ZNF609: variants seen among roughly 807,000 people sequenced by gnomAD.
ZNF609 encodes zinc finger protein 609.
A neutral mutation model predicts 109.5 loss-of-function variants in ZNF609; 11 were observed. The ratio of observed to expected loss-of-function variants is 0.10; its 90% CI spans 0.06 to 0.17. The LOEUF is 0.17. Among genes scored for constraint, ZNF609 ranks in the 10% least tolerant of loss-of-function variants. ZNF609 has a pLI of 1.00. For synonymous variants in ZNF609, 646 were observed against 662.0 expected, an observed-to-expected ratio of 0.98 and a Z score of 0.37; for missense variants, 1,559 against 1,772.4, an observed-to-expected ratio of 0.88 and a Z score of 2.16.
In ZNF609 at chr15:64,674,154, C is replaced by T. The variant is rs749800219; in HGVS notation, c.1300C>T (p.Pro434Ser). 1.9e-6 allele frequency: 3 copies of T among 1,614,204 alleles called. No individual in the cohort carries two copies. Among genetic ancestry groups the T allele is most frequent in the Non-Finnish European group, 2.5e-6 (3 of 1,180,042 alleles). ...CACTTCTGAGGATGTCAAGGCCAGC[C>T]CTTCCTCAGCTAATAAGCGGAAAAA... ...SSTSEDVKAS[P>S]SSANKRKNKP... The change falls in exon 5 of 10, where the codon CCT (proline) becomes TCT (serine). Residue 434 changes from proline to serine, a missense_variant. Coordinates refer to ENST00000326648, the MANE Select transcript of ZNF609 (RefSeq NM_015042.2).
intron 3 of ZNF609, among the ~76,000 whole-genome samples, chr15:64,653,301 A>G (rs1896443810): frequency 6.6e-6 from 1 of 152,120 alleles, no homozygotes; most frequent in Non-Finnish European, 1.5e-5. Context: ...GCTGGTGATA[A>G]TGTCTTCTGT....
chr15:64,551,077 G>A (rs950390240), intron 2 of ZNF609, among the ~76,000 whole-genome samples: 1 of 151,932 alleles, frequency 6.6e-6, no homozygotes, highest in Non-Finnish European at 1.5e-5. Context: ...TCTACATTTA[G>A]GATGGTCCCT....
chr15:64,606,575 A>T (rs2140953983), intron 2 of ZNF609, among the ~76,000 whole-genome samples: 1 of 151,594 alleles, frequency 6.6e-6, no homozygotes, highest in South Asian at 2.1e-4. Flanking sequence ...AAAAAAAAAA[A>T]AACAGAAAAA....
At chr15:64,609,134 T>C (rs1595737793) in intron 2 of ZNF609, among the ~76,000 whole-genome samples, 4 of 145,058 alleles carry the variant, frequency 2.8e-5, no homozygotes, top group Admixed American at 7.1e-5. Context: ...CTTTCTTTTT[T>C]TCTTTCTTTT....
intron 2 of ZNF609, among the ~76,000 whole-genome samples, chr15:64,579,286 C>A (rs911090051): frequency 6.6e-6 from 1 of 151,488 alleles, no homozygotes; most frequent in African/African-American, 2.4e-5. Context: ...ACATGCATGC[C>A]TATAGTCTCA....
chr15:64,514,425 ATTCCT>A (rs1018497820), intron 2 of ZNF609, among the ~76,000 whole-genome samples: 49 of 152,194 alleles, frequency 3.2e-4, no homozygotes, highest in African/African-American at 1.2e-3. Context: ...GTGTCCACAA[ATTCCT>A]TCCCTTTATT....
At chr15:64,670,242 C>G (rs902080639) in intron 3 of ZNF609, 104 bp from the exon 4 acceptor site, 1 of 902,408 alleles carries the variant, frequency 1.1e-6, no homozygotes, top group Non-Finnish European at 1.8e-6. Flanking sequence ...CCCAGAGTAC[C>G]TCCTAAACCC....
intron 1 of ZNF609, among the ~76,000 whole-genome samples, chr15:64,491,496 G>A (rs1438129784): frequency 1.3e-5 from 2 of 152,190 alleles, no homozygotes; most frequent in African/African-American, 2.4e-5. Flanking sequence ...TATATTGTCA[G>A]TGGGATCAAC....
At chr15:64,664,424 C>CA (rs1163312727) in intron 3 of ZNF609, among the ~76,000 whole-genome samples, 1 of 152,084 alleles carries the variant, frequency 6.6e-6, no homozygotes, top group Non-Finnish European at 1.5e-5. Context: ...AAACACGGAG[C>CA]ACTATTTATT....
intron 2 of ZNF609, among the ~76,000 whole-genome samples, chr15:64,590,629 TA>T (rs1020779600): frequency 4.6e-5 from 7 of 150,580 alleles, no homozygotes; most frequent in African/African-American, 1.7e-4. Flanking sequence ...ATATAGAAAA[TA>T]TATATTTATT....
chr15:64,598,655 AGATT>A (rs1271362452), intron 2 of ZNF609, among the ~76,000 whole-genome samples: 2 of 150,112 alleles, frequency 1.3e-5, no homozygotes, highest in Non-Finnish European at 3.0e-5. Context: ...ATGGACCTAT[AGATT>A]GTTTCTGGTT....
At chr15:64,659,840 T>C (rs1896548080) in intron 3 of ZNF609, among the ~76,000 whole-genome samples, 1 of 151,306 alleles carries the variant, frequency 6.6e-6, no homozygotes, top group African/African-American at 2.4e-5. Context: ...TCTTTCTTTT[T>C]TTTTTTTTTT....
intron 8 of ZNF609, 29 bp downstream of exon 8, chr15:64,680,891 T>G: frequency 6.2e-7 from 1 of 1,600,776 alleles, no homozygotes; most frequent in South Asian, 1.1e-5. Flanking sequence ...CCACCTGTTG[T>G]TTTGTCTTGT....
chr15:64,674,745 T>C lies in ZNF609; in HGVS notation c.1891T>C (p.Cys631Arg). The change falls in exon 5 of 10, where the codon TGT becomes CGT. Residue 631 changes from cysteine to arginine, a missense_variant. Physicochemically the swap from Cys to Arg is radical, Grantham distance 180. This residue lies in a region of ZNF609 where 1,204 missense variants were observed against 1,314.1 expected (regional missense o/e 0.92). Coordinates refer to ENST00000326648, the MANE Select transcript of ZNF609 (RefSeq NM_015042.2). ...TGCCTTTGATTCTTTAGAAAGGAAG[T>C]GTATGGAAAAAGAAAAATGTAAAAA... is the stretch of plus-strand genomic sequence containing the variant. ...NDAFDSLERK[C>R]MEKEKCKKPS... 6.2e-7 allele frequency: 1 copy of C among 1,613,870 alleles called. No individual in the cohort carries two copies. Among genetic ancestry groups the C allele is most frequent in the Non-Finnish European group, 8.5e-7 (1 of 1,179,978 alleles).
chr15:64,603,738 C>T (rs1055897833), intron 2 of ZNF609, among the ~76,000 whole-genome samples: 7 of 151,938 alleles, frequency 4.6e-5, no homozygotes, highest in East Asian at 3.9e-4. Context: ...TGGTGGCTCA[C>T]GCCTGTAATC....
chr15:64,577,047 T>A (rs9745171), intron 2 of ZNF609, among the ~76,000 whole-genome samples: 2 of 93,336 alleles, frequency 2.1e-5, no homozygotes, highest in Non-Finnish European at 4.7e-5. Context: ...TATATACACA[T>A]AAATATATAC....
At chr15:64,583,043 G>C (rs956591909) in intron 2 of ZNF609, among the ~76,000 whole-genome samples, 2 of 150,352 alleles carry the variant, frequency 1.3e-5, no homozygotes, top group African/African-American at 4.9e-5. Context: ...GAGCCACCAC[G>C]CCGGGCCAAG....
chr15:64,671,209 C>CAAAAAAA (rs946787824), intron 4 of ZNF609: 1 of 47,174 alleles, frequency 2.1e-5, no homozygotes, highest in African/African-American at 7.9e-5. Context: ...GACTCCGTCT[C>CAAAAAAA]AAAAAAAAAA....
chr15:64,477,136 C>CTTTTTTTT (rs911785223), intron 1 of ZNF609, among the ~76,000 whole-genome samples: 18 of 105,780 alleles, frequency 1.7e-4, no homozygotes, highest in African/African-American at 3.0e-4. Flanking sequence ...TCTTCTCTTT[C>CTTTTTTTT]TTTTTTTTTT....
Sources: gnomAD v4.1 joint callset for allele counts (sites outside exome capture counted in the v4.1 genomes callset) on GRCh38, gnomAD v4.1.1 for gene constraint, gnomAD v4.1.1 regional missense constraint, MANE v1.5 for transcripts, NCBI Gene and HGNC (gene_info 2026-07-23, HGNC 2026-07-21) for gene names.